Variants in RYR2 observed in about 807,000 individuals in gnomAD.
The protein encoded by RYR2 is cardiac muscle ryanodine receptor-calcium release channel.
RYR2 carries 227 observed loss-of-function variants against 601.1 expected under a neutral mutation model. The observed-to-expected ratio is 0.38, with a 90% CI of 0.34 to 0.42. The LOEUF (loss-of-function observed/expected upper bound fraction) is 0.42. Ranked by LOEUF, RYR2 falls within the 10% of genes least tolerant of loss-of-function variation. RYR2 has a pLI of 1.00. For synonymous variants in RYR2, 2,223 were observed against 2,175.1 expected (o/e 1.02, Z -0.61); for missense variants, 4,646 against 6,156.5 (o/e 0.75, Z 8.21).
chr1:237,463,259 T>C (rs1206224415), intron 16 of RYR2, among the ~76,000 whole-genome samples: 3 of 152,224 alleles, frequency 2.0e-5, no homozygotes, highest in African/African-American at 7.2e-5. Flanking sequence ...AAGAGGGATG[T>C]TGTTTCATTT....
At position 237,595,508 on chromosome 1, in the gene RYR2, A is replaced by G; in HGVS notation, c.4447A>G (p.Ser1483Gly). The change falls in exon 34 of 105, where the codon AGC (serine) becomes GGC (glycine). Residue 1483 changes from serine to glycine, a missense_variant. By Grantham distance (56) the Ser-to-Gly change is moderately conservative. Transcript: ENST00000366574. ...KGKVHESIKR[S>G]NCYMVCAGES... ...TCTTTTGAAATTCAGCATCAAACGC[A>G]GCAACTGCTATATGGTATGTGCGGG... 6.2e-7 allele frequency: 1 copy of G among 1,607,312 alleles called. No homozygotes were observed. The highest frequency in any genetic ancestry group is 8.5e-7 in the Non-Finnish European group (1 of 1,177,772).
chr1:237,061,280 T>TATCATCTATC (rs58553831), intron 1 of RYR2, among the ~76,000 whole-genome samples: 27 of 31,930 alleles, frequency 8.5e-4, no homozygotes, highest in Admixed American at 7.0e-3. Flanking sequence ...ATCTATCATC[T>TATCATCTATC]ATCTATCTAT....
chr1:237,445,707 A>T (rs2150167845), intron 14 of RYR2, among the ~76,000 whole-genome samples, 185 bp downstream of exon 14: 1 of 152,314 alleles, frequency 6.6e-6, no homozygotes, highest in South Asian at 2.1e-4. Flanking sequence ...TAAACTTTTA[A>T]AAAGAATATG....
At chr1:237,312,096 AGAGACAATAGAT>A (rs1694635190) in intron 2 of RYR2, among the ~76,000 whole-genome samples, 1 of 152,222 alleles carries the variant, frequency 6.6e-6, no homozygotes, top group African/African-American at 2.4e-5. Flanking sequence ...AAGGAAACAT[AGAGACAATAGAT>A]TGTCAGGAGT....
intron 63 of RYR2, among the ~76,000 whole-genome samples, chr1:237,688,865 T>C (rs979219739): frequency 2.0e-5 from 3 of 152,230 alleles, no homozygotes; most frequent in African/African-American, 7.2e-5. Context: ...TCTATGGTGC[T>C]ATTTCTAACT....
chr1:237,573,231 T>TACAC (rs10556537), intron 29 of RYR2, among the ~76,000 whole-genome samples: 211 of 148,920 alleles, frequency 1.4e-3, no homozygotes, highest in African/African-American at 4.1e-3. Context: ...GATATACACA[T>TACAC]ACACACACAC....
chr1:237,088,351 A>C (rs547397395), intron 1 of RYR2, among the ~76,000 whole-genome samples: 1 of 152,188 alleles, frequency 6.6e-6, no homozygotes, highest in Non-Finnish European at 1.5e-5. Flanking sequence ...GATAGGATGC[A>C]AGGGCTTGGC....
intron 1 of RYR2, among the ~76,000 whole-genome samples, chr1:237,140,701 T>C (rs1013810414): frequency 6.6e-6 from 1 of 152,210 alleles, no homozygotes; most frequent in Non-Finnish European, 1.5e-5. Context: ...AATTAGACCA[T>C]ATTTGTTCCT....
At chr1:237,295,652 AT>A (rs1194721328) in intron 2 of RYR2, among the ~76,000 whole-genome samples, 1 of 152,232 alleles carries the variant, frequency 6.6e-6, no homozygotes, top group Non-Finnish European at 1.5e-5. Context: ...AGATCTTTTA[AT>A]ATTTTTACCG....
chr1:237,708,442 T>C (rs1398546866), intron 68 of RYR2, among the ~76,000 whole-genome samples: 12 of 152,336 alleles, frequency 7.9e-5, no homozygotes, highest in Admixed American at 6.5e-4. Context: ...AACTCTTCCA[T>C]TGTGCCAAGG....
chr1:237,396,145 T>G (rs1375209583), intron 10 of RYR2, among the ~76,000 whole-genome samples: 1 of 152,188 alleles, frequency 6.6e-6, no homozygotes, highest in Non-Finnish European at 1.5e-5. Context: ...ATTTATATAA[T>G]TTTGACAGTT....
At chr1:237,519,186 G>A (rs1666850618) in intron 24 of RYR2, among the ~76,000 whole-genome samples, 1 of 152,126 alleles carries the variant, frequency 6.6e-6, no homozygotes, top group Non-Finnish European at 1.5e-5. Flanking sequence ...GTAGTTTGAT[G>A]TCAGATGAAT....
intron 101 of RYR2, among the ~76,000 whole-genome samples, chr1:237,827,823 G>C (rs931313936): frequency 6.6e-6 from 1 of 150,492 alleles, no homozygotes; most frequent in African/African-American, 2.4e-5. Context: ...TGTAGTCCCA[G>C]CTGCTGGGGA....
At chr1:237,820,853 T>C (rs1448089309) in intron 101 of RYR2, among the ~76,000 whole-genome samples, 1 of 152,116 alleles carries the variant, frequency 6.6e-6, no homozygotes, top group East Asian at 1.9e-4. Context: ...GCATCTGCCA[T>C]TGCTGAGGCA....
rs191922581 is a variant in RYR2, at chr1:237,497,658, T to A, written c.2203+906T>A. Among the ~76,000 whole-genome samples, 81 of 152,286 alleles carry A rather than the reference T, an allele frequency of 5.3e-4. 1 individual carries two copies. Among genetic ancestry groups the A allele is most frequent in the African/African-American group, 1.9e-3 (77 of 41,564 alleles). ...CATGTGGAGTACAAATGATAGACAT[T>A]TATGAATGCTTTATGGGCCTAAAAC... On this transcript the variant is annotated intron_variant, in intron 20 of 104. Coordinates refer to ENST00000366574, the MANE Select transcript of RYR2 (RefSeq NM_001035.3).
intron 11 of RYR2, among the ~76,000 whole-genome samples, chr1:237,419,721 G>A (rs965398009): frequency 6.6e-6 from 1 of 152,150 alleles, no homozygotes; most frequent in African/African-American, 2.4e-5. Flanking sequence ...GAAAGTAGGA[G>A]ATTCATATGT....
At chr1:237,670,764 T>A (rs1442581249) in intron 58 of RYR2, among the ~76,000 whole-genome samples, 1 of 152,222 alleles carries the variant, frequency 6.6e-6, no homozygotes. Context: ...TCTGATTTTT[T>A]AAATATTTGC....
In RYR2 at chr1:237,518,688, C is replaced by A. The variant is rs1666800352; in HGVS notation, c.2822+6897C>A. 2.0e-5 allele frequency among the ~76,000 whole-genome samples: 3 copies of A among 152,182 alleles called. No individual in the cohort carries two copies. The South Asian group carries it at 6.2e-4, about 31-fold the overall frequency. Reference sequence around the variant, plus strand: ...ATGGACACTTAGGTTCCTTCCATTTCTTTGCTGATGTGAATAGTGCCGCAA... The same window carrying A: ...ATGGACACTTAGGTTCCTTCCATTTATTTGCTGATGTGAATAGTGCCGCAA... On this transcript the variant is annotated intron_variant, in intron 24 of 104. Coordinates refer to ENST00000366574, the MANE Select transcript of RYR2 (RefSeq NM_001035.3).
At chr1:237,564,690 TA>T (rs1671790576) in intron 27 of RYR2, among the ~76,000 whole-genome samples, 1 of 152,236 alleles carries the variant, frequency 6.6e-6, no homozygotes, top group Non-Finnish European at 1.5e-5. Flanking sequence ...TACCAAGTAA[TA>T]GGCATGAGAA....
Sources: gnomAD v4.1 joint callset for allele counts (sites outside exome capture counted in the v4.1 genomes callset) on GRCh38, gnomAD v4.1.1 for gene constraint, MANE v1.5 for transcripts, NCBI Gene and HGNC (gene_info 2026-07-23, HGNC 2026-07-21) for gene names.